STX8: variants seen among roughly 807,000 people sequenced by gnomAD.
STX8 encodes the protein syntaxin-8.
In STX8, 23 loss-of-function variants were observed where a neutral mutation model predicts 37.5. That is an observed-to-expected ratio of 0.61 (90% CI 0.44 to 0.87). The LOEUF is 0.87. Among genes scored for constraint, STX8 ranks in the 40% least tolerant of loss-of-function variants. The probability of loss-of-function intolerance (pLI) is 0.00; values close to 1 mark genes in which losing one functional copy is unlikely to be tolerated. For synonymous variants in STX8, 115 were observed against 99.1 expected (o/e 1.16, Z -0.95); for missense variants, 313 against 284.7 (o/e 1.10, Z -0.71).
intron 2 of STX8, among the ~76,000 whole-genome samples, chr17:9,564,653 G>A (rs1486531833): frequency 6.6e-6 from 1 of 152,062 alleles, no homozygotes; most frequent in Admixed American, 6.6e-5. Context: ...TAACCATGAG[G>A]TAAAGATCTC....
At chr17:9,517,839 G>A (rs774498661) in intron 4 of STX8, among the ~76,000 whole-genome samples, 27 of 141,548 alleles carry the variant, frequency 1.9e-4, no homozygotes, top group Non-Finnish European at 3.5e-4. Context: ...CAGCCTTGAA[G>A]AATGCGTGAG....
At chr17:9,344,163 A>G (rs1910456585) in intron 7 of STX8, among the ~76,000 whole-genome samples, 1 of 151,930 alleles carries the variant, frequency 6.6e-6, no homozygotes, top group Non-Finnish European at 1.5e-5. Context: ...GGCTAAGGAG[A>G]TGTTTTTCAA....
intron 7 of STX8, among the ~76,000 whole-genome samples, chr17:9,288,815 C>T (rs1467942741): frequency 6.6e-6 from 1 of 151,732 alleles, no homozygotes; most frequent in Non-Finnish European, 1.5e-5. Context: ...AACTATGAAA[C>T]CCAATATCCA....
intron 4 of STX8, among the ~76,000 whole-genome samples, chr17:9,517,903 C>T (rs370450998): frequency 9.8e-4 from 148 of 151,108 alleles, no homozygotes; most frequent in Non-Finnish European, 1.7e-3. Flanking sequence ...GGCAAAAACA[C>T]GAATGAGTCT....
At chr17:9,505,914 C>A (rs1189467288) in intron 4 of STX8, among the ~76,000 whole-genome samples, 1 of 144,034 alleles carries the variant, frequency 6.9e-6, no homozygotes, top group East Asian at 2.1e-4. Context: ...TGCACTGCAG[C>A]CTGGGTAGCG....
intron 6 of STX8, among the ~76,000 whole-genome samples, chr17:9,453,184 A>T (rs1905095255): frequency 6.6e-6 from 1 of 152,092 alleles, no homozygotes; most frequent in Non-Finnish European, 1.5e-5. Context: ...CCGAAAGGTT[A>T]ATTTCCTATG....
At chr17:9,257,920 A>T (rs11870373) in intron 7 of STX8, among the ~76,000 whole-genome samples, 2 of 152,112 alleles carry the variant, frequency 1.3e-5, no homozygotes, top group Admixed American at 1.3e-4. Flanking sequence ...ACCCGGGAGG[A>T]GGAGGTTGCG....
intron 6 of STX8, among the ~76,000 whole-genome samples, chr17:9,420,964 A>T (rs968425394): frequency 2.0e-5 from 3 of 152,192 alleles, no homozygotes; most frequent in African/African-American, 7.2e-5. Context: ...CCAGTTTCTC[A>T]GCGGGCTCTC....
At chr17:9,388,577 G>A (rs560745008) in intron 6 of STX8, among the ~76,000 whole-genome samples, 1 of 151,576 alleles carries the variant, frequency 6.6e-6, no homozygotes, top group South Asian at 2.1e-4. Flanking sequence ...GCCGAGGTGG[G>A]CGGATCACCT....
At chr17:9,314,392 G>A (rs984076896) in intron 7 of STX8, among the ~76,000 whole-genome samples, 4 of 151,790 alleles carry the variant, frequency 2.6e-5, no homozygotes, top group African/African-American at 9.7e-5. Context: ...TTTTATATCT[G>A]TTTTTTTGTT....
intron 6 of STX8, among the ~76,000 whole-genome samples, chr17:9,416,235 G>C (rs1029623732): frequency 2.6e-4 from 40 of 152,336 alleles, no homozygotes; most frequent in South Asian, 6.2e-4. Flanking sequence ...GGGTGAAACT[G>C]CCTTGCAAAG....
chr17:9,493,284 A>G (rs561673519), intron 5 of STX8, among the ~76,000 whole-genome samples: 1 of 152,230 alleles, frequency 6.6e-6, no homozygotes, highest in South Asian at 2.1e-4. Context: ...AATAATTTGA[A>G]AATTTTTTAA....
intron 6 of STX8, among the ~76,000 whole-genome samples, chr17:9,428,450 C>T (rs1027215056): frequency 4.6e-5 from 7 of 152,184 alleles, no homozygotes; most frequent in African/African-American, 1.4e-4. Context: ...CCGTGTTAGC[C>T]AGGATGGTCT....
chr17:9,541,419 C>T (rs1471262377), intron 4 of STX8, among the ~76,000 whole-genome samples: 1 of 152,210 alleles, frequency 6.6e-6, no homozygotes, highest in Non-Finnish European at 1.5e-5. Context: ...AGCAATGAGG[C>T]AGCCTGAGTT....
At chr17:9,531,661 G>A (rs1208310221) in intron 4 of STX8, among the ~76,000 whole-genome samples, 2 of 152,116 alleles carry the variant, frequency 1.3e-5, no homozygotes, top group African/African-American at 4.8e-5. Context: ...AAGCTTTCAG[G>A]AATCCACTGA....
chr17:9,273,910 CT>C (rs1480520957), intron 7 of STX8, among the ~76,000 whole-genome samples: 1 of 152,198 alleles, frequency 6.6e-6, no homozygotes, highest in African/African-American at 2.4e-5. Context: ...TCAGTGGTCC[CT>C]TCTGACAGTT....
At chr17:9,418,457 T>TA (rs1913276282) in intron 6 of STX8, among the ~76,000 whole-genome samples, 1 of 148,708 alleles carries the variant, frequency 6.7e-6, no homozygotes, top group Non-Finnish European at 1.5e-5. Flanking sequence ...TTCAAGAAAT[T>TA]AAAGGCAAAG....
Position 9,316,891 on chromosome 17 carries a change from T to C in STX8, c.643+61661A>G, listed in dbSNP as rs191170022. ...GTCCATTGCATTAAATTACAGGACA[T>C]CTAATTGGTATCCGCCAGAGAACTG... On this transcript the variant is annotated intron_variant, in intron 7 of 7. Coordinates refer to ENST00000306357, the MANE Select transcript of STX8 (RefSeq NM_004853.3). Among the ~76,000 whole-genome samples, 61 of 152,246 alleles carry C rather than the reference T, an allele frequency of 4.0e-4. 2 individuals carry two copies. The highest frequency in any genetic ancestry group is 3.8e-3 in the Admixed American group (58 of 15,290).
intron 6 of STX8, among the ~76,000 whole-genome samples, chr17:9,415,963 T>G (rs1913177987): frequency 6.6e-6 from 1 of 152,256 alleles, no homozygotes; most frequent in African/African-American, 2.4e-5. Context: ...TTGCCCTGGC[T>G]GCTCTTGCTT....
Sources: allele counts gnomAD v4.1 joint callset (sites outside exome capture counted in the v4.1 genomes callset), GRCh38; gene constraint gnomAD v4.1.1; transcripts MANE v1.5; gene names NCBI Gene and HGNC (gene_info 2026-07-23, HGNC 2026-07-21).